The following CLIP1 variants were observed in gnomAD, a reference collection of about 807,000 sequenced individuals.
The protein encoded by CLIP1 is CAP-Gly domain-containing linker protein 1.
Under a neutral mutation model 161.6 loss-of-function variants are expected in CLIP1, and 66 were observed. The ratio of observed to expected loss-of-function variants is 0.41; its 90% CI spans 0.33 to 0.50. The LOEUF is 0.50. Among genes scored for constraint, CLIP1 ranks in the 20% least tolerant of loss-of-function variants. The pLI, the probability that CLIP1 is intolerant of heterozygous loss-of-function variation, is 0.27. For missense variants in CLIP1, 1,376 were observed against 1,702.0 expected (o/e 0.81, Z 3.37); for synonymous variants, 598 against 626.2 (o/e 0.96, Z 0.67).
At chr12:122,286,522 A>T (rs1240221749) in intron 21 of CLIP1, among the ~76,000 whole-genome samples, 3 of 94,900 alleles carry the variant, frequency 3.2e-5, no homozygotes, top group South Asian at 3.0e-4. Flanking sequence ...CTCTGTCTTA[A>T]AAAAAAAAAA....
intron 1 of CLIP1, among the ~76,000 whole-genome samples, chr12:122,421,915 G>C (rs575650029): frequency 1.0e-3 from 152 of 152,340 alleles, no homozygotes; most frequent in African/African-American, 3.4e-3. Context: ...GTGTGATTTC[G>C]GAAACCCGAG....
In CLIP1 at chr12:122,274,467, T is replaced by A. The variant is rs185393020; in HGVS notation, c.3967-305A>T. The stretch of plus-strand genomic sequence containing the variant: ...ACTGAGGAGATGCTATTTTATATTT[T>A]AAAAAAAAATTTAAATTACACTTCA... On this transcript the variant is annotated intron_variant, in intron 24 of 25. Coordinates refer to ENST00000620786, the MANE Select transcript of CLIP1 (RefSeq NM_001247997.2). 1,446 of 177,168 alleles carry A rather than the reference T, an allele frequency of 8.2e-3. 25 individuals are homozygous for A. Among genetic ancestry groups the A allele is most frequent in the African/African-American group, 0.032 (1,346 of 42,304 alleles). The allele number at this position is 177,168 out of a possible 1,614,324, so 11.0% of individuals were successfully genotyped here.
intron 21 of CLIP1, among the ~76,000 whole-genome samples, chr12:122,284,968 C>T (rs964290135): frequency 6.6e-6 from 1 of 151,948 alleles, no homozygotes; most frequent in Non-Finnish European, 1.5e-5. Context: ...GAGACAGGGT[C>T]TCACTATGTT....
At chr12:122,416,121 C>T (rs1198801402) in intron 1 of CLIP1, among the ~76,000 whole-genome samples, 1 of 151,800 alleles carries the variant, frequency 6.6e-6, no homozygotes, top group African/African-American at 2.4e-5. Context: ...GCCTGTAATC[C>T]CAGCTACTCA....
At chr12:122,396,603 A>G (rs1955918777) in intron 1 of CLIP1, 1 of 152,104 alleles carries the variant, frequency 6.6e-6, no homozygotes, top group Non-Finnish European at 1.5e-5. Flanking sequence ...AATTCTTTTG[A>G]GCCACAGTAA....
In CLIP1 at chr12:122,354,585, G is replaced by T. The variant is rs376182073; in HGVS notation, c.1204-29C>A. On this transcript the variant is annotated intron_variant, in intron 6 of 25. Coordinates refer to ENST00000620786, the MANE Select transcript of CLIP1 (RefSeq NM_001247997.2). The stretch of plus-strand genomic sequence containing the variant: ...GGGAAGGCAAGAATGTCGGTAAATG[G>T]ACTATTTCTGACCCAGATACAGACC... 1.3e-5 allele frequency: 20 copies of T among 1,550,350 alleles called. No individual in the cohort carries two copies. The African/African-American group carries it at 1.4e-4, about 11-fold the overall frequency.
At chr12:122,396,386 T>C (rs1264198857) in intron 1 of CLIP1, among the ~76,000 whole-genome samples, 1 of 152,112 alleles carries the variant, frequency 6.6e-6, no homozygotes, top group Non-Finnish European at 1.5e-5. Context: ...CTTAAGAGTT[T>C]TGAAGTTTGC....
chr12:122,361,605 G>A (rs772339616), intron 4 of CLIP1, among the ~76,000 whole-genome samples: 7 of 152,196 alleles, frequency 4.6e-5, no homozygotes, highest in Non-Finnish European at 8.8e-5. Flanking sequence ...GGTGGCTCAC[G>A]CCTGTAATCC....
At chr12:122,321,051 T>TAAATAAAC (rs1951481565) in intron 17 of CLIP1, among the ~76,000 whole-genome samples, 1 of 151,396 alleles carries the variant, frequency 6.6e-6, no homozygotes, top group African/African-American at 2.4e-5. Flanking sequence ...AATAAATAAA[T>TAAATAAAC]AAATAAAGTC....
intron 1 of CLIP1, among the ~76,000 whole-genome samples, chr12:122,411,971 T>C (rs2137171735): frequency 6.6e-6 from 1 of 152,064 alleles, no homozygotes; most frequent in East Asian, 1.9e-4. Flanking sequence ...CTGTATGGCA[T>C]ATGAATTATA....
Position 122,355,803 on chromosome 12 carries a change from C to G in CLIP1, c.1006-491G>C, listed in dbSNP as rs1374224875. 1 of 155,494 alleles carries G rather than the reference C, an allele frequency of 6.4e-6. No individual in the cohort carries two copies. Among genetic ancestry groups the G allele is most frequent in the African/African-American group, 2.4e-5 (1 of 41,410 alleles). 9.6% of individuals were successfully genotyped at this position (155,494 alleles called of 1,614,324 possible). A position where few individuals can be genotyped will look rare whatever the true frequency, so the allele number is the denominator to read the frequency against. ...CTAATTTTTATATTTTTAGTAGAGA[C>G]GGGGTTTTGCCATGTTCGCCAGGCT... On this transcript the variant is annotated intron_variant, in intron 5 of 25. Coordinates refer to ENST00000620786, the MANE Select transcript of CLIP1 (RefSeq NM_001247997.2). This position sits in a 1 kb window ranked among gnomAD's most constrained non-coding sequence, Gnocchi z 4.1.
At chr12:122,347,547 G>A in intron 9 of CLIP1, 68 bp from the exon 10 acceptor site, 1 of 1,227,518 alleles carries the variant, frequency 8.1e-7, no homozygotes, top group Non-Finnish European at 1.2e-6. Context: ...CGAGAGGAGA[G>A]ACAGCGGCAT....
chr12:122,357,323 G>A (rs191248275), intron 5 of CLIP1, among the ~76,000 whole-genome samples: 7,683 of 151,180 alleles, frequency 0.051, 499 homozygotes, highest in African/African-American at 0.16. Flanking sequence ...GTCTCTGCCC[G>A]GCCGCCCCGT....
intron 3 of CLIP1, among the ~76,000 whole-genome samples, chr12:122,370,554 A>G (rs1045968272): frequency 6.6e-6 from 1 of 152,162 alleles, no homozygotes; most frequent in Non-Finnish European, 1.5e-5. Context: ...GAGTCTCCCA[A>G]TCTCTAACAG....
chr12:122,288,727 C>T (rs996814582), intron 20 of CLIP1, among the ~76,000 whole-genome samples, 186 bp from the exon 21 acceptor site: 1 of 151,636 alleles, frequency 6.6e-6, no homozygotes, highest in Non-Finnish European at 1.5e-5. Flanking sequence ...AAATCACTTA[C>T]GACCTCAGTA....
At chr12:122,288,808 CTTTTTTTTTTTTT>C (rs200069106) in intron 20 of CLIP1, among the ~76,000 whole-genome samples, 17 of 114,454 alleles carry the variant, frequency 1.5e-4, no homozygotes, top group Middle Eastern at 5.3e-3. Context: ...CGAAGCACAT[CTTTTTTTTTTTTT>C]TTTTTTTTTT....
chr12:122,318,402 G>A (rs775991148), intron 18 of CLIP1, among the ~76,000 whole-genome samples: 30 of 152,050 alleles, frequency 2.0e-4, no homozygotes, highest in Admixed American at 3.3e-4. Flanking sequence ...GCGTGGTAGT[G>A]GGCACCTGTA....
In CLIP1 at chr12:122,377,565, G is replaced by C; in HGVS notation, c.481C>G (p.Pro161Ala). 6.2e-7 allele frequency: 1 copy of C among 1,613,972 alleles called. No homozygotes were observed. Among genetic ancestry groups the C allele is most frequent in the Non-Finnish European group, 8.5e-7 (1 of 1,180,014 alleles). The change falls in exon 3 of 26, where the codon CCC (proline) becomes GCC (alanine). Residue 161 changes from proline (P) to alanine (A), a missense_variant. By Grantham distance (27) the Pro-to-Ala change is conservative. This residue lies in a region of CLIP1 where 119 missense variants were observed against 112.0 expected (regional missense o/e 1.06). Transcript: ENST00000620786. ...TGAGGGATGTTTGAAGGGGTGGAGGGGGAGGAAGACACCATGCTGGCCGTA... is the reference window on the plus strand; with the variant it reads ...TGAGGGATGTTTGAAGGGGTGGAGGCGGAGGAAGACACCATGCTGGCCGTA... ...TSTASMVSSS[P>A]STPSNIPQKP... is the part of the protein sequence containing the mutation.
intron 1 of CLIP1, among the ~76,000 whole-genome samples, chr12:122,415,858 A>T (rs1956738703): frequency 1.3e-5 from 2 of 152,092 alleles, no homozygotes; most frequent in Admixed American, 6.6e-5. Flanking sequence ...AAACTTTAAG[A>T]CTAAAAAGGA....
Sources: gnomAD v4.1 joint callset for allele counts (sites outside exome capture counted in the v4.1 genomes callset) on GRCh38, gnomAD v4.1.1 for gene constraint, gnomAD v4.1.1 regional missense constraint, Gnocchi (gnomAD v3.1) non-coding constraint, MANE v1.5 for transcripts, NCBI Gene and HGNC (gene_info 2026-07-23, HGNC 2026-07-21) for gene names.